Variants in GAB2 observed in about 807,000 individuals in gnomAD.
The protein encoded by GAB2 is GRB2-associated-binding protein 2.
A neutral mutation model predicts 65.5 loss-of-function variants in GAB2; 26 were observed. The observed-to-expected ratio is 0.40, with a 90% CI of 0.29 to 0.55. The LOEUF (loss-of-function observed/expected upper bound fraction) is 0.55. Ranked by LOEUF, GAB2 falls within the 20% of genes least tolerant of loss-of-function variation. The pLI is 0.53. For missense variants in GAB2, 884 were observed against 875.8 expected (o/e 1.01, Z -0.12); for synonymous variants, 321 against 329.6 (o/e 0.97, Z 0.28).
intron 1 of GAB2, among the ~76,000 whole-genome samples, chr11:78,415,012 C>T (rs1248696493): frequency 1.3e-5 from 2 of 152,104 alleles, no homozygotes; most frequent in Admixed American, 1.3e-4. Flanking sequence ...GCTGGGACTA[C>T]AGATGCCCTC....
chr11:78,359,095 C>T (rs571676835), intron 1 of GAB2, among the ~76,000 whole-genome samples: 10 of 152,138 alleles, frequency 6.6e-5, no homozygotes, highest in African/African-American at 1.9e-4. Flanking sequence ...GTTTAAGAGA[C>T]GTGGATGATA....
intron 1 of GAB2, among the ~76,000 whole-genome samples, chr11:78,295,786 G>C (rs1866807390): frequency 6.6e-6 from 1 of 152,110 alleles, no homozygotes; most frequent in African/African-American, 2.4e-5. Flanking sequence ...AGTTTTGCTG[G>C]GTGAAGAAAA....
chr11:78,392,399 T>G (rs1337004739), intron 1 of GAB2: 1 of 152,226 alleles, frequency 6.6e-6, no homozygotes, highest in Non-Finnish European at 1.5e-5. Context: ...ACATTTCAGT[T>G]GTTAGGAACA....
chr11:78,362,011 T>C (rs1466757668), intron 1 of GAB2, among the ~76,000 whole-genome samples: 1 of 152,068 alleles, frequency 6.6e-6, no homozygotes, highest in East Asian at 1.9e-4. Context: ...TCAGCTGCTT[T>C]TTAAAAAGGC....
At chr11:78,388,684 C>T (rs927738656) in intron 1 of GAB2, among the ~76,000 whole-genome samples, 1 of 152,136 alleles carries the variant, frequency 6.6e-6, no homozygotes, top group Non-Finnish European at 1.5e-5. Context: ...TTTCTCTTGT[C>T]TTTATCCAAA....
chr11:78,324,333 T>C (rs1855785170), intron 1 of GAB2, among the ~76,000 whole-genome samples: 1 of 152,164 alleles, frequency 6.6e-6, no homozygotes, highest in Non-Finnish European at 1.5e-5. Flanking sequence ...TTACTTATGA[T>C]GCTGTGATGG....
At chr11:78,223,120 T>A (rs1392842166) in intron 6 of GAB2, among the ~76,000 whole-genome samples, 7 of 151,746 alleles carry the variant, frequency 4.6e-5, no homozygotes. Context: ...GCCAGGAGAG[T>A]GAGATTGTAG....
At chr11:78,252,588 C>T (rs1032580369) in intron 2 of GAB2, among the ~76,000 whole-genome samples, 1 of 152,160 alleles carries the variant, frequency 6.6e-6, no homozygotes. Context: ...AGGCATTCCT[C>T]AGGGCTCCAC....
At chr11:78,279,727 C>T (rs1866279638) in intron 2 of GAB2, among the ~76,000 whole-genome samples, 1 of 152,182 alleles carries the variant, frequency 6.6e-6, no homozygotes, top group Non-Finnish European at 1.5e-5. Flanking sequence ...TGTCTTCTTT[C>T]ACTTAACATG....
At chr11:78,361,517 G>T (rs1856434738) in intron 1 of GAB2, among the ~76,000 whole-genome samples, 1 of 151,988 alleles carries the variant, frequency 6.6e-6, no homozygotes, top group Non-Finnish European at 1.5e-5. Context: ...TATTACAAAG[G>T]GCTAATCTCC....
chr11:78,325,119 GAAGT>G (rs1565160193), intron 1 of GAB2, among the ~76,000 whole-genome samples: 1 of 152,140 alleles, frequency 6.6e-6, no homozygotes, highest in South Asian at 2.1e-4. Context: ...CTTAGAGATG[GAAGT>G]AAGTAACTTT....
intron 1 of GAB2, among the ~76,000 whole-genome samples, chr11:78,352,508 T>C (rs7107128): frequency 0.086 from 13,021 of 152,220 alleles, 1,726 homozygotes; most frequent in African/African-American, 0.29. Context: ...CTAACACTTT[T>C]TGGGTCACTC....
intron 1 of GAB2, among the ~76,000 whole-genome samples, chr11:78,286,014 T>C (rs1866470777): frequency 6.6e-6 from 1 of 152,024 alleles, no homozygotes; most frequent in African/African-American, 2.4e-5. Flanking sequence ...TTCTTACCGC[T>C]CTCACCTCAA....
chr11:78,368,541 A>C (rs1436784591), intron 1 of GAB2, among the ~76,000 whole-genome samples: 4 of 152,226 alleles, frequency 2.6e-5, no homozygotes, highest in Non-Finnish European at 4.4e-5. Flanking sequence ...GTCACAATAC[A>C]AACAAATGTT....
chr11:78,364,857 G>A (rs1351622360), intron 1 of GAB2, among the ~76,000 whole-genome samples: 2 of 152,140 alleles, frequency 1.3e-5, no homozygotes, highest in Non-Finnish European at 2.9e-5. Context: ...TTGGACATAT[G>A]TAATGTTGGG....
At chr11:78,285,013 T>C (rs1287268014) in intron 1 of GAB2, among the ~76,000 whole-genome samples, 2 of 152,160 alleles carry the variant, frequency 1.3e-5, no homozygotes, top group African/African-American at 2.4e-5. Context: ...AGGATGGAGC[T>C]GAGAAAAATA....
At chr11:78,327,655 T>TA (rs1855847277) in intron 1 of GAB2, among the ~76,000 whole-genome samples, 1 of 152,136 alleles carries the variant, frequency 6.6e-6, no homozygotes, top group South Asian at 2.1e-4. Flanking sequence ...CAGTGGGACT[T>TA]AAATGATGTA....
In GAB2 at chr11:78,219,199, G is replaced by C. The variant is rs925182130; in HGVS notation, c.*73C>G. 7.2e-7 allele frequency: 1 copy of C among 1,386,524 alleles called. No individual in the cohort carries two copies. Among genetic ancestry groups the C allele is most frequent in the African/African-American group, 1.4e-5 (1 of 69,004 alleles). The allele number at this position is 1,386,524 out of a possible 1,614,324, so 85.9% of individuals were successfully genotyped here. A position where few individuals can be genotyped will look rare whatever the true frequency, so the allele number is the denominator to read the frequency against. On this transcript the variant is annotated 3_prime_UTR_variant, in exon 10 of 10. Coordinates refer to ENST00000361507, the MANE Select transcript of GAB2 (RefSeq NM_080491.3). ...AGGAGGTGGATGGGAGGAAGAACGG[G>C]AGAGGGGAGAGGGGAGATGGGAAGG...
intron 1 of GAB2, among the ~76,000 whole-genome samples, chr11:78,295,647 A>G (rs1866804468): frequency 6.6e-6 from 1 of 152,156 alleles, no homozygotes; most frequent in South Asian, 2.1e-4. Context: ...AGCACAGTTC[A>G]TGTAGGTGTT....
Sources: allele counts gnomAD v4.1 joint callset (sites outside exome capture counted in the v4.1 genomes callset), GRCh38; gene constraint gnomAD v4.1.1; transcripts MANE v1.5; gene names NCBI Gene and HGNC (gene_info 2026-07-23, HGNC 2026-07-21).